Variants in SGK3 observed in about 807,000 individuals in gnomAD.
The protein encoded by SGK3 is serum/glucocorticoid regulated kinase family member 3, also known as serine/threonine-protein kinase Sgk3.
Under a neutral mutation model 68.5 loss-of-function variants are expected in SGK3, and 47 were observed. That is an observed-to-expected ratio of 0.69 (90% CI 0.54 to 0.87). SGK3 has a LOEUF of 0.87. SGK3 is among the 40% of genes least tolerant of loss of function. The probability of loss-of-function intolerance (pLI) is 0.00; values close to 1 mark genes in which losing one functional copy is unlikely to be tolerated. For synonymous variants in SGK3, 181 were observed against 189.1 expected (o/e 0.96, Z 0.35); for missense variants, 479 against 575.5 (o/e 0.83, Z 1.72).
At position 66,847,043 on chromosome 8, in the gene SGK3, C is replaced by CTTCA. The variant is rs1554606388; in HGVS notation, c.1075-149_1075-146dup. 3 of 1,113,310 alleles carry CTTCA rather than the reference C, an allele frequency of 2.7e-6. No homozygotes were observed. The African/African-American group carries it at 4.7e-5, about 17-fold the overall frequency. The allele number at this position is 1,113,310 out of a possible 1,614,324, so 69.0% of individuals were successfully genotyped here. A position where few individuals can be genotyped will look rare whatever the true frequency, so the allele number is the denominator to read the frequency against. ...TGTGTTCGGTTTTAGAATCTCTTTGCTTCAGGAAGCCACACTGCAGGTGTC... is the reference window on the plus strand; with the variant it reads ...TGTGTTCGGTTTTAGAATCTCTTTGCTTCATTCAGGAAGCCACACTGCAGGTGTC... On this transcript the variant is annotated intron_variant, in intron 14 of 16. Coordinates refer to ENST00000521198, the MANE Select transcript of SGK3 (RefSeq NM_001033578.3).
chr8:66,779,601 T>TAGATATATATATAA (rs1554598086), intron 1 of SGK3, among the ~76,000 whole-genome samples: 1 of 104,118 alleles, frequency 9.6e-6, no homozygotes, highest in African/African-American at 4.6e-5. Context: ...TATATATATA[T>TAGATATATATATAA]AAAACACATT....
chr8:66,828,198 C>G (rs977323286), intron 6 of SGK3, among the ~76,000 whole-genome samples: 3 of 152,056 alleles, frequency 2.0e-5, no homozygotes, highest in African/African-American at 7.2e-5. Context: ...TACCTACCAT[C>G]AAATTAAAAT....
chr8:66,789,020 A>T (rs1807324318), intron 1 of SGK3, among the ~76,000 whole-genome samples: 1 of 152,038 alleles, frequency 6.6e-6, no homozygotes, highest in African/African-American at 2.4e-5. Context: ...CTGCCACTTC[A>T]TGCAATTTGC....
chr8:66,840,752 G>A (rs1006804387), intron 12 of SGK3: 7 of 232,660 alleles, frequency 3.0e-5, no homozygotes, highest in African/African-American at 4.5e-5. Context: ...GAGGTGGCAC[G>A]CCTGGGCAAC....
intron 1 of SGK3, among the ~76,000 whole-genome samples, chr8:66,713,754 A>G (rs1051175182): frequency 1.3e-5 from 2 of 152,122 alleles, no homozygotes; most frequent in African/African-American, 4.8e-5. Context: ...TTAACTTATC[A>G]TATTATAGCG....
chr8:66,784,813 A>G (rs1399221523), intron 1 of SGK3, among the ~76,000 whole-genome samples: 2 of 152,076 alleles, frequency 1.3e-5, no homozygotes, highest in African/African-American at 4.8e-5. Flanking sequence ...CCATATTGCT[A>G]TTTTTTTACA....
At chr8:66,775,989 A>C (rs1806693332) in intron 1 of SGK3, among the ~76,000 whole-genome samples, 1 of 152,220 alleles carries the variant, frequency 6.6e-6, no homozygotes, top group Non-Finnish European at 1.5e-5. Context: ...AGATTAAATG[A>C]GTTAATACCT....
At chr8:66,720,940 T>A (rs1804778533) in intron 1 of SGK3, among the ~76,000 whole-genome samples, 1 of 152,100 alleles carries the variant, frequency 6.6e-6, no homozygotes, top group Admixed American at 6.6e-5. Context: ...AGTGAGACCC[T>A]GTCTCACAAA....
intron 1 of SGK3, among the ~76,000 whole-genome samples, chr8:66,736,280 TA>T (rs2130382137): frequency 6.6e-6 from 1 of 152,192 alleles, no homozygotes; most frequent in East Asian, 1.9e-4. Context: ...AATATAACAA[TA>T]AAAATAATAC....
chr8:66,840,558 T>G (rs1563655308), intron 12 of SGK3: 2 of 282,988 alleles, frequency 7.1e-6, no homozygotes, highest in East Asian at 6.8e-5. Flanking sequence ...TGAACAAGGT[T>G]GACAGTCTGG....
In SGK3 at chr8:66,850,920, G is replaced by A. The variant is rs769744386; in HGVS notation, c.1320G>A (p.Val440=). 6.2e-7 allele frequency: 1 copy of A among 1,608,024 alleles called. No homozygotes were observed. Among genetic ancestry groups the A allele is most frequent in the Non-Finnish European group, 8.5e-7 (1 of 1,176,652 alleles). ...TTCCACCACCATTTAATCCTAATGT[G>A]GTAAGTATATATCCAAATCTTTCTT... ...KKIPPPFNPN[V]AGPDDIRNFD... Residue 440 remains valine, a splice_region_variant and synonymous_variant, in exon 16 of 17, where the codon GTG becomes GTA. Transcript: ENST00000521198.
chr8:66,794,442 A>G (rs1051072335), intron 2 of SGK3, among the ~76,000 whole-genome samples: 2 of 151,848 alleles, frequency 1.3e-5, no homozygotes, highest in African/African-American at 2.4e-5. Flanking sequence ...CAGTAGTCCT[A>G]TTAGTATATA....
Position 66,847,331 on chromosome 8 carries a change from G to C in SGK3, c.1213G>C (p.Gly405Arg). The change falls in exon 15 of 17, where the codon GGT (glycine) becomes CGT (arginine). Residue 405 changes from glycine (G) to arginine (R), a missense_variant. Gly to Arg is a moderately radical substitution (Grantham distance 125). Coordinates refer to ENST00000521198, the MANE Select transcript of SGK3 (RefSeq NM_001033578.3). ...AGAAAAAGACAGGCAAAATCGACTTGGTGCCAAGGAAGACTTTGTATGTAA... is the reference window on the plus strand; with the variant it reads ...AGAAAAAGACAGGCAAAATCGACTTCGTGCCAAGGAAGACTTTGTATGTAA... ...LLEKDRQNRLGAKEDFLEIQN... is the reference protein window; with the variant it reads ...LLEKDRQNRLRAKEDFLEIQN... 1.9e-6 allele frequency: 3 copies of C among 1,613,612 alleles called. No individual in the cohort carries two copies. Among genetic ancestry groups the C allele is most frequent in the Non-Finnish European group, 2.5e-6 (3 of 1,179,892 alleles).
chr8:66,775,074 C>G (rs1204255941), intron 1 of SGK3: 3 of 152,392 alleles, frequency 2.0e-5, no homozygotes, highest in Non-Finnish European at 2.9e-5. Context: ...ACCCCACCGG[C>G]AGCTCCTTCG....
intron 8 of SGK3, among the ~76,000 whole-genome samples, chr8:66,835,543 T>A (rs765338306): frequency 6.7e-6 from 1 of 150,174 alleles, no homozygotes; most frequent in Non-Finnish European, 1.5e-5. Context: ...CAGTGTAGAT[T>A]TGGGCACTTA....
rs547729525 is a variant in SGK3 at position 66,771,934 on chromosome 8, T to C, written c.-121-21682T>C. On this transcript the variant is annotated intron_variant, in intron 1 of 16. Coordinates refer to ENST00000521198, the MANE Select transcript of SGK3 (RefSeq NM_001033578.3). ...TCTCCATTTTTATGAATCAGTCATA[T>C]GTAACTGCCAGTCAAAGCATTTGGT... Among the ~76,000 whole-genome samples the C allele has an allele frequency of 9.9e-5, 15 of 151,160 alleles. No individual in the cohort carries two copies. In the East Asian group the frequency reaches 2.6e-3, roughly 26 times the overall value.
chr8:66,818,879 C>T (rs1458456990), intron 5 of SGK3, among the ~76,000 whole-genome samples: 1 of 152,098 alleles, frequency 6.6e-6, no homozygotes, highest in Non-Finnish European at 1.5e-5. Flanking sequence ...ATTAGCATAC[C>T]TTTTGGTGCA....
intron 1 of SGK3, among the ~76,000 whole-genome samples, chr8:66,726,057 C>T (rs989216756): frequency 6.6e-6 from 1 of 152,016 alleles, no homozygotes; most frequent in East Asian, 1.9e-4. Flanking sequence ...TAGATAATTG[C>T]GCCCTTTTCA....
At chr8:66,778,299 C>A (rs958133274) in intron 1 of SGK3, among the ~76,000 whole-genome samples, 15 of 152,144 alleles carry the variant, frequency 9.9e-5, no homozygotes, top group Admixed American at 9.2e-4. Context: ...GCTTCTTTTT[C>A]TTTTTTTCTT....
Sources: gnomAD v4.1 joint callset for allele counts (sites outside exome capture counted in the v4.1 genomes callset) on GRCh38, gnomAD v4.1.1 for gene constraint, MANE v1.5 for transcripts, NCBI Gene and HGNC (gene_info 2026-07-23, HGNC 2026-07-21) for gene names.